Variants in USH2A observed in about 807,000 individuals in gnomAD.
The protein encoded by USH2A is usherin.
Under a neutral mutation model 538.9 loss-of-function variants are expected in USH2A, and 443 were observed. The ratio of observed to expected loss-of-function variants is 0.82; its 90% CI spans 0.76 to 0.89. USH2A has a LOEUF of 0.89. USH2A is among the 40% of genes least tolerant of loss of function. USH2A has a pLI of 0.00. For missense variants in USH2A, 6,633 were observed against 6,324.8 expected (o/e 1.05, Z -1.65); for synonymous variants, 2,413 against 2,273.5 (o/e 1.06, Z -1.75).
rs1196581677 is a variant in USH2A at position 216,098,023 on chromosome 1, A to T, written c.4628-810T>A. On this transcript the variant is annotated intron_variant, in intron 21 of 71. Coordinates refer to ENST00000307340, the MANE Select transcript of USH2A (RefSeq NM_206933.4). ...AATGATGCCTTCGCCCTACCATTAC[A>T]TGGCCCCATCTCCAGTCCTATGAAT... is the stretch of plus-strand genomic sequence containing the variant. 2.8e-5 allele frequency among the ~76,000 whole-genome samples: 4 copies of T among 144,176 alleles called. No homozygotes were observed. The East Asian group carries it at 6.1e-4, about 22-fold the overall frequency. 94.6% of individuals were successfully genotyped at this position (144,176 alleles called of 152,430 possible). A position where few individuals can be genotyped will look rare whatever the true frequency, so the allele number is the denominator to read the frequency against.
intron 21 of USH2A, among the ~76,000 whole-genome samples, chr1:216,111,338 G>C (rs764363410): frequency 7.2e-5 from 11 of 152,144 alleles, no homozygotes; most frequent in Non-Finnish European, 1.0e-4. Context: ...GTGTTGAGAC[G>C]AGGATGAAAG....
intron 61 of USH2A, among the ~76,000 whole-genome samples, chr1:215,714,754 C>T (rs1659434479): frequency 6.6e-6 from 1 of 152,052 alleles, no homozygotes; most frequent in Non-Finnish European, 1.5e-5. Context: ...CTTAGAAGAC[C>T]AAAAAGCTTG....
At chr1:216,273,577 T>C (rs2036614489) in intron 11 of USH2A, among the ~76,000 whole-genome samples, 1 of 152,134 alleles carries the variant, frequency 6.6e-6, no homozygotes. Flanking sequence ...GTGTTTCTGT[T>C]ATTCACTGTA....
intron 44 of USH2A, among the ~76,000 whole-genome samples, chr1:215,865,745 A>G (rs182298760): frequency 3.9e-5 from 6 of 152,352 alleles, no homozygotes; most frequent in African/African-American, 1.4e-4. Context: ...GCAGCCTTAT[A>G]AAAACCAGAG....
chr1:216,195,258 G>A lies in USH2A; in HGVS notation c.4251+1295C>T, dbSNP rs987456617. Among the ~76,000 whole-genome samples, 9 of 152,096 alleles carry A rather than the reference G, an allele frequency of 5.9e-5. No individual in the cohort carries two copies. In the South Asian group the frequency reaches 6.2e-4, roughly 11 times the overall value. ...TTGGGTATAAGCAGAGCCAAAAGCCGTAATACATTGTGCAAGCAGGTGGTT... is the reference window on the plus strand; with the variant it reads ...TTGGGTATAAGCAGAGCCAAAAGCCATAATACATTGTGCAAGCAGGTGGTT... On this transcript the variant is annotated intron_variant, in intron 19 of 71. Transcript: ENST00000307340.
chr1:215,708,828 T>C (rs1445121248), intron 61 of USH2A, among the ~76,000 whole-genome samples: 1 of 152,064 alleles, frequency 6.6e-6, no homozygotes, highest in African/African-American at 2.4e-5. Context: ...CTGGTCTGCG[T>C]CCCCGGGGTT....
intron 63 of USH2A, among the ~76,000 whole-genome samples, chr1:215,672,497 T>C (rs1022526361): frequency 3.3e-5 from 5 of 152,190 alleles, no homozygotes; most frequent in African/African-American, 1.2e-4. Flanking sequence ...ATCAAATCCA[T>C]AGCTGTGTAT....
rs58845914 is a variant in USH2A at position 216,370,677 on chromosome 1, C to CAAAAAA, written c.652-5598_652-5593dup. ...TGGGGAACAGAGCCAGACTCTGTCT[C>CAAAAAA]AAAAAAAAAAAAAAAAAAAAAAAAA... is the stretch of plus-strand genomic sequence containing the variant. On this transcript the variant is annotated intron_variant, in intron 3 of 71. Transcript: ENST00000307340. 1.0e-3 allele frequency among the ~76,000 whole-genome samples: 30 copies of CAAAAAA among 29,998 alleles called. 5 individuals carry two copies. The South Asian group carries it at 0.046, about 46-fold the overall frequency. The allele number at this position is 29,998 out of a possible 152,430, so 19.7% of individuals were successfully genotyped here.
In USH2A at chr1:216,405,230, G is replaced by A. The variant is rs535304126; in HGVS notation, c.651+13284C>T. ...AAAAAATACTCAGGATTTAGGGTTA[G>A]GCAAGACTTCATAGACTTGACATGG... On this transcript the variant is annotated intron_variant, in intron 3 of 71. Coordinates refer to ENST00000307340, the MANE Select transcript of USH2A (RefSeq NM_206933.4). Among the ~76,000 whole-genome samples the A allele has an allele frequency of 3.1e-4, 47 of 152,178 alleles. No homozygotes were observed. In the South Asian group the frequency reaches 9.6e-3, roughly 31 times the overall value.
In USH2A at chr1:215,678,337, C is replaced by T. The variant is rs183437275; in HGVS notation, c.12294+1812G>A. 1.8e-3 allele frequency among the ~76,000 whole-genome samples: 268 copies of T among 152,316 alleles called. 2 individuals are homozygous for T. Among genetic ancestry groups the T allele is most frequent in the Non-Finnish European group, 3.1e-3 (210 of 68,026 alleles). ...ACAATCTGTCTCCTACCAGTCCCTC[C>T]AACCTCTTCTAGTGCCATCTTTCTT... On this transcript the variant is annotated intron_variant, in intron 62 of 71. Transcript: ENST00000307340.
At chr1:215,635,124 C>G (rs1411183970) in intron 69 of USH2A, among the ~76,000 whole-genome samples, 1 of 152,200 alleles carries the variant, frequency 6.6e-6, no homozygotes, top group Non-Finnish European at 1.5e-5. Flanking sequence ...GCTGCAGAGT[C>G]ACAAACAAAA....
intron 21 of USH2A, among the ~76,000 whole-genome samples, chr1:216,169,381 C>A (rs2034233483): frequency 6.6e-6 from 1 of 152,016 alleles, no homozygotes; most frequent in East Asian, 1.9e-4. Context: ...AAATAAGTCA[C>A]TTTTAAAAGG....
intron 37 of USH2A, among the ~76,000 whole-genome samples, chr1:215,949,197 C>T (rs1227063061): frequency 6.6e-6 from 1 of 151,820 alleles, no homozygotes; most frequent in African/African-American, 2.4e-5. Context: ...AATAAATGAA[C>T]ACCATCACAA....
rs375145086 is a variant in USH2A, at chr1:215,768,841, C to A, written c.10940-2053G>T. On this transcript the variant is annotated intron_variant, in intron 55 of 71. Coordinates refer to ENST00000307340, the MANE Select transcript of USH2A (RefSeq NM_206933.4). ...TATTTTCCCCATTTAGAATATAAGC[C>A]CTTTGAGAGTAGAAATGGCATCACT... Among the ~76,000 whole-genome samples the A allele has an allele frequency of 2.3e-4, 35 of 152,210 alleles. No homozygotes were observed. The South Asian group carries it at 6.4e-3, about 28-fold the overall frequency.
intron 58 of USH2A, among the ~76,000 whole-genome samples, chr1:215,752,859 C>T (rs917682271): frequency 3.3e-5 from 5 of 152,154 alleles, no homozygotes; most frequent in African/African-American, 1.2e-4. Flanking sequence ...AAACTACCAT[C>T]AGAGTGAACA....
chr1:216,248,546 G>GTA (rs1301906001), intron 12 of USH2A, among the ~76,000 whole-genome samples: 1 of 151,800 alleles, frequency 6.6e-6, no homozygotes, highest in East Asian at 1.9e-4. Flanking sequence ...TAATATATAT[G>GTA]TATATATATG....
chr1:216,311,355 A>G (rs1386423253), intron 9 of USH2A, among the ~76,000 whole-genome samples: 1 of 152,154 alleles, frequency 6.6e-6, no homozygotes, highest in Non-Finnish European at 1.5e-5. Context: ...AGTGTAGAAA[A>G]AAGTGAGTTG....
At position 215,998,974 on chromosome 1, in the gene USH2A, C is replaced by T. The variant is rs2102481922; in HGVS notation, c.6570G>A (p.Trp2190Ter). ...MSNHTHDFTI[W>*]SVIYNSTELF... ...GTTCTGTACTGTTATAGATGACACT[C>T]CAAATTGTAAAATCATGTGTATGGT... is the stretch of plus-strand genomic sequence containing the variant. Residue 2190 changes from tryptophan (W) to a stop codon, truncating the protein, a stop_gained, in exon 34 of 72, where the codon TGG (tryptophan) becomes TGA (stop). Transcript: ENST00000307340. LOFTEE classifies it high-confidence loss of function. The T allele has an allele frequency of 6.2e-7, 1 of 1,612,810 alleles. No individual in the cohort carries two copies.
chr1:216,180,316 A>G (rs1423530131), intron 20 of USH2A, among the ~76,000 whole-genome samples: 1 of 152,076 alleles, frequency 6.6e-6, no homozygotes, highest in East Asian at 1.9e-4. Context: ...TAAAATGTCT[A>G]TTTGAATAAA....
Sources: gnomAD v4.1 joint callset for allele counts (sites outside exome capture counted in the v4.1 genomes callset) on GRCh38, gnomAD v4.1.1 for gene constraint, MANE v1.5 for transcripts, NCBI Gene and HGNC (gene_info 2026-07-23, HGNC 2026-07-21) for gene names.